ZNF577: variants seen among roughly 807,000 people sequenced by gnomAD.
ZNF577 encodes the protein zinc finger protein 577.
In ZNF577, 14 loss-of-function variants were observed where a neutral mutation model predicts 13.9. The ratio of observed to expected loss-of-function variants is 1.00; its 90% CI spans 0.66 to 1.57. ZNF577 has a LOEUF of 1.57. Ranked by LOEUF, ZNF577 falls within the 40% of genes most tolerant of loss-of-function variation. ZNF577 has a pLI of 0.00. For synonymous variants in ZNF577, 203 were observed against 202.9 expected (o/e 1.00, Z 0.00); for missense variants, 555 against 579.2 (o/e 0.96, Z 0.43).
intron 3 of ZNF577, among the ~76,000 whole-genome samples, chr19:51,879,734 G>A (rs1057415396): frequency 2.0e-5 from 3 of 152,120 alleles, no homozygotes; most frequent in Admixed American, 1.3e-4. Flanking sequence ...TATCCTTTGG[G>A]TTGAAGTTTG....
At chr19:51,817,516 G>T (rs369648947) in intron 9 of ZNF577, among the ~76,000 whole-genome samples, 46 of 145,570 alleles carry the variant, frequency 3.2e-4, no homozygotes, top group African/African-American at 1.0e-3. Flanking sequence ...AATCTGTTTT[G>T]TTTTTTTTTT....
intron 9 of ZNF577, among the ~76,000 whole-genome samples, chr19:51,837,429 G>A (rs549324465): frequency 6.6e-6 from 1 of 152,258 alleles, no homozygotes; most frequent in Non-Finnish European, 1.5e-5. Flanking sequence ...TGTGAGTTTT[G>A]AGGGGACTTA....
intron 5 of ZNF577, among the ~76,000 whole-genome samples, chr19:51,852,663 A>G (rs1383877137): frequency 6.6e-6 from 1 of 152,188 alleles, no homozygotes; most frequent in Non-Finnish European, 1.5e-5. Context: ...TTCTCTGTGT[A>G]GAGATCTTGC....
chr19:51,850,032 G>A (rs2084371875), intron 5 of ZNF577, among the ~76,000 whole-genome samples: 1 of 152,202 alleles, frequency 6.6e-6, no homozygotes, highest in African/African-American at 2.4e-5. Context: ...GAACTGATTT[G>A]TTCTCTGTTC....
intron 5 of ZNF577, among the ~76,000 whole-genome samples, chr19:51,854,516 T>TTTTTTTTA (rs1273500747): frequency 2.0e-5 from 3 of 149,456 alleles, no homozygotes; most frequent in African/African-American, 7.5e-5. Flanking sequence ...TTTTTTTTTT[T>TTTTTTTTA]AGAGATGGGG....
chr19:51,881,978 TG>T (rs1305053191), intron 1 of ZNF577, among the ~76,000 whole-genome samples: 24 of 152,158 alleles, frequency 1.6e-4, no homozygotes, highest in Non-Finnish European at 4.4e-5. Context: ...CCCAGAGAGC[TG>T]ATCTCCAAGC....
At position 51,872,328 on chromosome 19, in the gene ZNF577, A is replaced by G. The variant is rs1460146577; in HGVS notation, c.*204T>C. 2 of 486,958 alleles carry G rather than the reference A, an allele frequency of 4.1e-6. No individual in the cohort carries two copies. Among genetic ancestry groups the G allele is most frequent in the African/African-American group, 3.9e-5 (2 of 50,892 alleles). The allele number at this position is 486,958 out of a possible 1,614,324, so 30.2% of individuals were successfully genotyped here. ...GAATTCTTTTGATACCAATTGAGAT[A>G]TCATCTCCAGGTAAAGACTTCCTCA... On this transcript the variant is annotated 3_prime_UTR_variant, in exon 6 of 6. Coordinates refer to ENST00000638348, the MANE Select transcript of ZNF577 (RefSeq NM_001370449.1).
intron 10 of ZNF577, among the ~76,000 whole-genome samples, chr19:51,807,823 G>A (rs561694403): frequency 5.1e-4 from 78 of 152,322 alleles, no homozygotes; most frequent in East Asian, 7.7e-4. Flanking sequence ...GAGTCTAAAG[G>A]AACAATAATT....
intron 3 of ZNF577, 131 bp from the exon 4 acceptor site, chr19:51,878,646 G>A: frequency 1.7e-6 from 2 of 1,171,992 alleles, no homozygotes; most frequent in Non-Finnish European, 1.2e-6. Context: ...CATACCAAAG[G>A]ACCATGGAAT....
intron 9 of ZNF577, chr19:51,825,852 G>C (rs1306747155): frequency 6.0e-6 from 1 of 167,106 alleles, no homozygotes; most frequent in Non-Finnish European, 1.5e-5. Flanking sequence ...GAGTACAAGA[G>C]AAGAGACAAA....
rs752781915 is a variant in ZNF577, at chr19:51,872,353, A to G, written c.*179T>C. On this transcript the variant is annotated 3_prime_UTR_variant, in exon 6 of 6. Transcript: ENST00000638348. Reference sequence around the variant, plus strand: ...ATCATCTCCAGGTAAAGACTTCCTCATAACAGCTGCATTTCTACCCAACAT... The same window carrying G: ...ATCATCTCCAGGTAAAGACTTCCTCGTAACAGCTGCATTTCTACCCAACAT... 1.6e-5 allele frequency: 9 copies of G among 551,890 alleles called. No individual in the cohort carries two copies. The highest frequency in any genetic ancestry group is 7.8e-5 in the South Asian group (3 of 38,398). The allele number at this position is 551,890 out of a possible 1,614,324, so 34.2% of individuals were successfully genotyped here. A position where few individuals can be genotyped will look rare whatever the true frequency, so the allele number is the denominator to read the frequency against.
intron 9 of ZNF577, among the ~76,000 whole-genome samples, chr19:51,812,525 C>A (rs1418583846): frequency 3.9e-5 from 6 of 152,228 alleles, no homozygotes; most frequent in Admixed American, 3.9e-4. Context: ...ATTTGGCTAG[C>A]ATGTTCTGTT....
At chr19:51,814,084 C>T (rs1404216831) in intron 9 of ZNF577, among the ~76,000 whole-genome samples, 2 of 152,122 alleles carry the variant, frequency 1.3e-5, no homozygotes, top group African/African-American at 4.8e-5. Flanking sequence ...ATAGTAAATT[C>T]CTTCTTGGTT....
At chr19:51,806,083 C>T (rs2084056900) in intron 10 of ZNF577, among the ~76,000 whole-genome samples, 1 of 152,180 alleles carries the variant, frequency 6.6e-6, no homozygotes, top group African/African-American at 2.4e-5. Context: ...GGATTAAAAA[C>T]ACAAACCACA....
chr19:51,828,381 G>A (rs1317008736), intron 9 of ZNF577, among the ~76,000 whole-genome samples: 2 of 149,166 alleles, frequency 1.3e-5, no homozygotes, highest in Admixed American at 6.7e-5. Flanking sequence ...AAAAAAAAAA[G>A]GAGAAGAAAA....
rs564522374 is a variant in ZNF577, at chr19:51,868,676, C to T, written c.*3856G>A. Among the ~76,000 whole-genome samples the T allele has an allele frequency of 2.1e-4, 32 of 151,954 alleles. No homozygotes were observed. The highest frequency in any genetic ancestry group is 7.7e-4 in the African/African-American group (32 of 41,414). On this transcript the variant is annotated 3_prime_UTR_variant, in exon 6 of 6. Transcript: ENST00000638348. ...TTCTGACTACTACCGTCTTCAACTG[C>T]CTTGAACACCCAGATAGAATTCACT...
intron 5 of ZNF577, among the ~76,000 whole-genome samples, chr19:51,875,722 C>T (rs2084749595): frequency 6.6e-6 from 1 of 152,192 alleles, no homozygotes; most frequent in Admixed American, 6.5e-5. Context: ...CTCATGTCTT[C>T]TCATCAAGTT....
At chr19:51,885,452 C>A (rs574651685) in intron 1 of ZNF577, among the ~76,000 whole-genome samples, 25 of 152,080 alleles carry the variant, frequency 1.6e-4, no homozygotes, top group Non-Finnish European at 3.5e-4. Context: ...TGGGCATTTG[C>A]GGTTTCTCCT....
At chr19:51,884,775 A>C (rs1599880296) in intron 1 of ZNF577, among the ~76,000 whole-genome samples, 1 of 152,210 alleles carries the variant, frequency 6.6e-6, no homozygotes, top group Admixed American at 6.5e-5. Context: ...AAGGGTTTAC[A>C]TGTAGAATTC....
Sources: allele counts gnomAD v4.1 joint callset (sites outside exome capture counted in the v4.1 genomes callset), GRCh38; gene constraint gnomAD v4.1.1; transcripts MANE v1.5; gene names NCBI Gene and HGNC (gene_info 2026-07-23, HGNC 2026-07-21).